The following TLL1 variants were observed in gnomAD, a reference collection of about 807,000 sequenced individuals.
TLL1 encodes tolloid-like protein 1.
A neutral mutation model predicts 128.2 loss-of-function variants in TLL1; 49 were observed. The ratio of observed to expected loss-of-function variants is 0.38; its 90% CI spans 0.30 to 0.48. The LOEUF (loss-of-function observed/expected upper bound fraction) is 0.48, where lower values mean the gene tolerates loss of function less well. TLL1 is among the 20% of genes least tolerant of loss of function. The probability of loss-of-function intolerance (pLI) is 0.96; values close to 1 mark genes in which losing one functional copy is unlikely to be tolerated. For missense variants in TLL1, 1,123 were observed against 1,242.0 expected (o/e 0.90, Z 1.44); for synonymous variants, 454 against 418.8 (o/e 1.08, Z -1.03).
intron 1 of TLL1, among the ~76,000 whole-genome samples, chr4:165,914,972 T>A (rs1192770786): frequency 6.6e-6 from 1 of 152,220 alleles, no homozygotes; most frequent in African/African-American, 2.4e-5. Flanking sequence ...CTGCCAACAG[T>A]CCTGAGCAAT....
At chr4:165,986,294 AG>A (rs938657627) in intron 1 of TLL1, among the ~76,000 whole-genome samples, 2 of 152,090 alleles carry the variant, frequency 1.3e-5, no homozygotes, top group African/African-American at 2.4e-5. Context: ...CCAACGCATA[AG>A]TAAAATATTT....
At position 165,873,839 on chromosome 4, in the gene TLL1, A is replaced by G. The variant is rs1730599461; in HGVS notation, c.-66A>G. ...AGCACCGGTGCCCCTAGCCCCGCAC[A>G]TCAGCGCGGACCGCGGCTGCCTAAC... is the stretch of plus-strand genomic sequence containing the variant. On this transcript the variant is annotated 5_prime_UTR_variant, in exon 1 of 21. Transcript: ENST00000061240. 1.3e-6 allele frequency: 2 copies of G among 1,591,724 alleles called. No individual in the cohort carries two copies. The highest frequency in any genetic ancestry group is 1.7e-6 in the Non-Finnish European group (2 of 1,162,512).
At position 166,102,621 on chromosome 4, in the gene TLL1, C is replaced by G. The variant is rs888325362; in HGVS notation, c.*1745C>G. On this transcript the variant is annotated 3_prime_UTR_variant, in exon 21 of 21. Coordinates refer to ENST00000061240, the MANE Select transcript of TLL1 (RefSeq NM_012464.5). ...AAGTAGCTTTGTGTCTGTTACCTGTCCATGAGCATACAACATTGAATACAA... is the reference window on the plus strand; with the variant it reads ...AAGTAGCTTTGTGTCTGTTACCTGTGCATGAGCATACAACATTGAATACAA... The G allele has an allele frequency of 1.3e-5, 2 of 151,978 alleles. No homozygotes were observed. Among genetic ancestry groups the G allele is most frequent in the Non-Finnish European group, 2.9e-5 (2 of 67,876 alleles). 9.4% of individuals were successfully genotyped at this position (151,978 alleles called of 1,614,324 possible).
At chr4:166,064,886 C>A (rs920210481) in intron 15 of TLL1, among the ~76,000 whole-genome samples, 3 of 152,140 alleles carry the variant, frequency 2.0e-5, no homozygotes, top group Non-Finnish European at 4.4e-5. Context: ...ACAGATCTTG[C>A]CCCAGGGTTC....
At chr4:165,945,618 GAAC>G (rs1205550479) in intron 1 of TLL1, among the ~76,000 whole-genome samples, 2 of 151,662 alleles carry the variant, frequency 1.3e-5, no homozygotes, top group African/African-American at 4.8e-5. Context: ...GTAAACACTA[GAAC>G]AACAACTAAA....
intron 13 of TLL1, among the ~76,000 whole-genome samples, chr4:166,055,738 ATC>A (rs1337623902): frequency 6.6e-6 from 1 of 152,164 alleles, no homozygotes; most frequent in Non-Finnish European, 1.5e-5. Flanking sequence ...ACAGATAATT[ATC>A]TCTGATCAGC....
At chr4:166,017,602 G>C (rs1738009907) in intron 8 of TLL1, among the ~76,000 whole-genome samples, 1 of 151,830 alleles carries the variant, frequency 6.6e-6, no homozygotes, top group South Asian at 2.1e-4. Context: ...GGTGTCTATT[G>C]TTTTTCATTT....
intron 9 of TLL1, among the ~76,000 whole-genome samples, chr4:166,036,299 A>G (rs1738994927): frequency 6.6e-6 from 1 of 152,184 alleles, no homozygotes; most frequent in South Asian, 2.1e-4. Context: ...GGCAGCAGTG[A>G]CATCTATTCA....
intron 1 of TLL1, among the ~76,000 whole-genome samples, chr4:165,911,029 T>C (rs570123638): frequency 3.3e-5 from 5 of 152,340 alleles, no homozygotes; most frequent in Non-Finnish European, 7.4e-5. Flanking sequence ...ATCATTTCTA[T>C]GTGTGGAGAG....
chr4:165,926,252 A>G lies in TLL1; in HGVS notation c.169+52179A>G, dbSNP rs188707136. ...ACTATACCAGATAATGTTTCTGTCC[A>G]TCTATCTATTTTTTGACACATTCAT... is the stretch of plus-strand genomic sequence containing the variant. On this transcript the variant is annotated intron_variant, in intron 1 of 20. Coordinates refer to ENST00000061240, the MANE Select transcript of TLL1 (RefSeq NM_012464.5). 4.0e-3 allele frequency among the ~76,000 whole-genome samples: 609 copies of G among 152,284 alleles called. 4 individuals are homozygous for G. Among genetic ancestry groups the G allele is most frequent in the African/African-American group, 0.013 (561 of 41,568 alleles).
intron 10 of TLL1, among the ~76,000 whole-genome samples, chr4:166,040,352 T>C (rs977565160): frequency 7.2e-5 from 11 of 152,190 alleles, no homozygotes; most frequent in African/African-American, 2.7e-4. Context: ...GAGGAAAACA[T>C]TGTCTTCCAT....
intron 9 of TLL1, among the ~76,000 whole-genome samples, chr4:166,033,706 T>C (rs1221975474): frequency 6.6e-6 from 1 of 152,152 alleles, no homozygotes; most frequent in Non-Finnish European, 1.5e-5. Flanking sequence ...CTTTCTTAGA[T>C]TGAGACTCTC....
intron 1 of TLL1, among the ~76,000 whole-genome samples, chr4:165,935,824 AC>A (rs1469948368): frequency 1.3e-5 from 2 of 152,176 alleles, no homozygotes; most frequent in Admixed American, 1.3e-4. Context: ...GAGAATTTGT[AC>A]TTGTACCCTT....
At chr4:165,968,360 G>A (rs575974362) in intron 1 of TLL1, among the ~76,000 whole-genome samples, 169 of 152,176 alleles carry the variant, frequency 1.1e-3, no homozygotes, top group Middle Eastern at 6.8e-3. Flanking sequence ...ACTGCTTGTT[G>A]TCCAAAGGAT....
chr4:166,010,987 T>G (rs2111045873), intron 7 of TLL1, among the ~76,000 whole-genome samples: 1 of 151,494 alleles, frequency 6.6e-6, no homozygotes, highest in South Asian at 2.1e-4. Context: ...GTGCTCTCTC[T>G]TTTATTTCAC....
intron 1 of TLL1, among the ~76,000 whole-genome samples, chr4:165,907,311 T>C (rs1732309055): frequency 6.6e-6 from 1 of 152,154 alleles, no homozygotes; most frequent in South Asian, 2.1e-4. Flanking sequence ...GAAGCATGAT[T>C]TTGCTCATCA....
intron 16 of TLL1, among the ~76,000 whole-genome samples, chr4:166,067,171 C>A (rs922468372): frequency 6.6e-6 from 1 of 151,676 alleles, no homozygotes; most frequent in Non-Finnish European, 1.5e-5. Context: ...GCACACATCC[C>A]ACATGAATCT....
chr4:166,068,817 A>C (rs1025678562), intron 16 of TLL1, among the ~76,000 whole-genome samples: 1 of 151,844 alleles, frequency 6.6e-6, no homozygotes. Flanking sequence ...TCTGTGCTAC[A>C]AAGATGGTTC....
In TLL1 at chr4:166,091,112, C is replaced by T; in HGVS notation, c.2443-16C>T. On this transcript the variant is annotated splice_polypyrimidine_tract_variant and intron_variant, in intron 18 of 20. Coordinates refer to ENST00000061240, the MANE Select transcript of TLL1 (RefSeq NM_012464.5). ...TTGTTTTTTTTTAAAAAAATTATTTCTTCTTTTTAAAAAAGGCCTTTAGTG... is the reference window on the plus strand; with the variant it reads ...TTGTTTTTTTTTAAAAAAATTATTTTTTCTTTTTAAAAAAGGCCTTTAGTG... 6.3e-7 allele frequency: 1 copy of T among 1,599,522 alleles called. No individual in the cohort carries two copies. Among genetic ancestry groups the T allele is most frequent in the Non-Finnish European group, 8.5e-7 (1 of 1,171,516 alleles).
Sources: allele counts gnomAD v4.1 joint callset (sites outside exome capture counted in the v4.1 genomes callset), GRCh38; gene constraint gnomAD v4.1.1; transcripts MANE v1.5; gene names NCBI Gene and HGNC (gene_info 2026-07-23, HGNC 2026-07-21).